Variants in GLIS3 observed in about 807,000 individuals in gnomAD.
The protein encoded by GLIS3 is zinc finger protein GLIS3.
In GLIS3, 53 loss-of-function variants were observed where a neutral mutation model predicts 78.6. The ratio of observed to expected loss-of-function variants is 0.67; its 90% confidence interval spans 0.54 to 0.85. The LOEUF is 0.85. Ranked by LOEUF, GLIS3 falls within the 40% of genes least tolerant of loss-of-function variation. GLIS3 has a pLI of 0.00. For synonymous variants in GLIS3, 684 were observed against 509.9 expected, an observed-to-expected ratio of 1.34 and a Z score of -4.60; for missense variants, 1,703 against 1,231.1, an observed-to-expected ratio of 1.38 and a Z score of -5.74.
chr9:3,871,100 G>A (rs566270811), intron 8 of GLIS3, among the ~76,000 whole-genome samples: 75 of 152,344 alleles, frequency 4.9e-4, no homozygotes, highest in Middle Eastern at 3.4e-3. Flanking sequence ...CAGTTGGGCA[G>A]TCAAATCTTT....
chr9:4,041,324 C>T (rs1342467717), intron 4 of GLIS3, among the ~76,000 whole-genome samples: 1 of 152,218 alleles, frequency 6.6e-6, no homozygotes, highest in Non-Finnish European at 1.5e-5. Flanking sequence ...AAACATCCTA[C>T]AGTGCACAGA....
At chr9:4,473,457 C>CAAAAAAAA in the GLIS3 span, among the ~76,000 whole-genome samples, 2 of 60,604 alleles carry the variant, frequency 3.3e-5, no homozygotes, top group Admixed American at 1.9e-4. Context: ...ACAACAACAA[C>CAAAAAAAA]AACAAAAAAA....
rs549416407 is a variant in GLIS3, at chr9:4,209,483, T to G, written c.388+76555A>C. 5.6e-4 allele frequency among the ~76,000 whole-genome samples: 85 copies of G among 152,288 alleles called. 1 individual carries two copies. The highest frequency in any genetic ancestry group is 1.9e-3 in the African/African-American group (81 of 41,582). ...GGCAAGAGCCCATTTGCAGAAAGCT[T>G]CTCAAGATGGACTTCCTTTTCCCAA... On this transcript the variant is annotated intron_variant, in intron 2 of 10. Transcript: ENST00000381971.
intron 4 of GLIS3, among the ~76,000 whole-genome samples, chr9:4,023,114 C>A (rs10974281): frequency 0.097 from 14,806 of 152,068 alleles, 768 homozygotes; most frequent in Non-Finnish European, 0.11. Flanking sequence ...TAGGTTTGTA[C>A]GCATTTACAT....
At chr9:3,999,497 G>A (rs1390654649) in intron 4 of GLIS3, among the ~76,000 whole-genome samples, 2 of 151,952 alleles carry the variant, frequency 1.3e-5, no homozygotes, top group African/African-American at 4.8e-5. Flanking sequence ...AAGTTACCAT[G>A]TATAAAACAA....
At chr9:3,852,199 C>T (rs1819477890) in intron 9 of GLIS3, among the ~76,000 whole-genome samples, 3 of 151,576 alleles carry the variant, frequency 2.0e-5, no homozygotes, top group Admixed American at 1.3e-4. Flanking sequence ...TTGATAAAGG[C>T]ACCTGCATAG....
In GLIS3 at chr9:3,929,272, A is replaced by T. The variant is rs778073688; in HGVS notation, c.1983+3088T>A. 7.6e-4 allele frequency among the ~76,000 whole-genome samples: 116 copies of T among 152,324 alleles called. 1 individual carries two copies. Among genetic ancestry groups the T allele is most frequent in the Non-Finnish European group, 9.8e-4 (67 of 68,028 alleles). On this transcript the variant is annotated intron_variant, in intron 6 of 10. Transcript: ENST00000381971. ...TGGGATGTGTGGGTGTGCAGGAATT[A>T]TGCAAAGAGAAAAGTTACTCTTCTG...
chr9:4,000,517 C>T (rs1362089567), intron 4 of GLIS3, among the ~76,000 whole-genome samples: 1 of 152,108 alleles, frequency 6.6e-6, no homozygotes, highest in Non-Finnish European at 1.5e-5. Context: ...ATGTTATATT[C>T]ACTCTGGTAG....
intron 4 of GLIS3, among the ~76,000 whole-genome samples, chr9:4,032,999 G>A (rs867626552): frequency 3.3e-5 from 5 of 151,976 alleles, no homozygotes; most frequent in African/African-American, 4.8e-5. Flanking sequence ...GACTACAGGC[G>A]CCCGCCACCA....
At chr9:4,465,204 G>T in the GLIS3 span, among the ~76,000 whole-genome samples, 1 of 152,216 alleles carries the variant, frequency 6.6e-6, no homozygotes, top group Non-Finnish European at 1.5e-5. Flanking sequence ...GGATAATCCT[G>T]TAAGAATGGA....
chr9:3,933,269 G>A lies in GLIS3; in HGVS notation c.1873-799C>T, dbSNP rs142029939. Reference sequence around the variant, plus strand: ...CGGCTCACTGCAACCTCTGCCTCCTGGGTTCAAGTGATTCCCCTGCCTCAG... The same window carrying A: ...CGGCTCACTGCAACCTCTGCCTCCTAGGTTCAAGTGATTCCCCTGCCTCAG... On this transcript the variant is annotated intron_variant, in intron 5 of 10. Coordinates refer to ENST00000381971, the MANE Select transcript of GLIS3 (RefSeq NM_001042413.2). Among the ~76,000 whole-genome samples the A allele has an allele frequency of 8.8e-4, 134 of 152,136 alleles. 1 individual carries two copies. Among genetic ancestry groups the A allele is most frequent in the African/African-American group, 3.0e-3 (125 of 41,474 alleles).
chr9:4,237,860 A>G (rs767551749), intron 2 of GLIS3, among the ~76,000 whole-genome samples: 3 of 152,168 alleles, frequency 2.0e-5, no homozygotes, highest in Non-Finnish European at 2.9e-5. Flanking sequence ...CAGCTTCAGC[A>G]TTTTATCAGT....
chr9:3,926,024 A>G (rs1209219636), intron 6 of GLIS3, among the ~76,000 whole-genome samples: 1 of 152,194 alleles, frequency 6.6e-6, no homozygotes, highest in Non-Finnish European at 1.5e-5. Flanking sequence ...CTTAGATGGG[A>G]GCACTAAGCT....
chr9:4,133,717 T>C (rs1304900771), intron 2 of GLIS3, among the ~76,000 whole-genome samples: 1 of 152,180 alleles, frequency 6.6e-6, no homozygotes, highest in Non-Finnish European at 1.5e-5. Flanking sequence ...ATTTATATTT[T>C]ATTAAAGAAC....
At chr9:4,006,079 C>T (rs554683174) in intron 4 of GLIS3, among the ~76,000 whole-genome samples, 8 of 152,230 alleles carry the variant, frequency 5.3e-5, no homozygotes, top group South Asian at 2.1e-4. Context: ...GAAGGAAACA[C>T]GCAAACCACC....
At chr9:4,162,515 G>A (rs1835561256) in intron 2 of GLIS3, among the ~76,000 whole-genome samples, 1 of 152,058 alleles carries the variant, frequency 6.6e-6, no homozygotes, top group Admixed American at 6.5e-5. Flanking sequence ...AGTCTATCAG[G>A]AAAACCTGTT....
intron 2 of GLIS3, among the ~76,000 whole-genome samples, chr9:4,187,202 C>G (rs1354163085): frequency 6.6e-6 from 1 of 152,196 alleles, no homozygotes; most frequent in South Asian, 2.1e-4. Context: ...CCAGTTTCAG[C>G]TTTCTACATA....
intron 2 of GLIS3, among the ~76,000 whole-genome samples, chr9:4,169,825 T>C (rs1290920329): frequency 5.9e-5 from 9 of 152,206 alleles, no homozygotes; most frequent in East Asian, 3.9e-4. Flanking sequence ...ATTCGGTACA[T>C]TGTTCTTGCA....
At chr9:4,317,235 G>C (rs554155345) in intron 2 of GLIS3, among the ~76,000 whole-genome samples, 2 of 152,322 alleles carry the variant, frequency 1.3e-5, no homozygotes, top group East Asian at 3.9e-4. Context: ...AAGTTCTCTT[G>C]TACTTAGCCT....
Sources: gnomAD v4.1 joint callset for allele counts (sites outside exome capture counted in the v4.1 genomes callset) on GRCh38, gnomAD v4.1.1 for gene constraint, MANE v1.5 for transcripts, NCBI Gene and HGNC (gene_info 2026-07-23, HGNC 2026-07-21) for gene names.